Variants in SCARB1 observed in about 807,000 individuals in gnomAD.
The protein encoded by SCARB1 is scavenger receptor class B member 1.
In SCARB1, 30 loss-of-function variants were observed where a neutral mutation model predicts 57.2. That is an observed-to-expected ratio of 0.52 (90% CI 0.39 to 0.71). The LOEUF (loss-of-function observed/expected upper bound fraction) is 0.71. Ranked by LOEUF, SCARB1 falls within the 30% of genes least tolerant of loss-of-function variation. SCARB1 has a pLI of 0.00. For missense variants in SCARB1, 543 were observed against 671.2 expected (o/e 0.81, Z 2.11); for synonymous variants, 249 against 268.3 (o/e 0.93, Z 0.70).
rs185851225 is a variant in SCARB1, at chr12:124,812,534, G to A, written c.631-569C>T. Among the ~76,000 whole-genome samples the A allele has an allele frequency of 3.3e-4, 51 of 152,318 alleles. No homozygotes were observed. Among genetic ancestry groups the A allele is most frequent in the East Asian group, 1.3e-3 (7 of 5,190 alleles). On this transcript the variant is annotated intron_variant, in intron 4 of 12. Transcript: ENST00000261693. This position sits in a 1 kb window ranked among gnomAD's most constrained non-coding sequence, Gnocchi z 4.3. Reference sequence around the variant, plus strand: ...GGTTGTTCTAAGCCATGGAGATTCCGGGGCTGCTTGTCACAGCAGCAAAAC... The same window carrying A: ...GGTTGTTCTAAGCCATGGAGATTCCAGGGCTGCTTGTCACAGCAGCAAAAC...
rs2135508372 is a variant in SCARB1, at chr12:124,778,389, C to T, written c.*198G>A. 3.2e-6 allele frequency: 4 copies of T among 1,231,658 alleles called. No homozygotes were observed. The highest frequency in any genetic ancestry group is 4.1e-6 in the Non-Finnish European group (4 of 980,360). 76.3% of individuals were successfully genotyped at this position (1,231,658 alleles called of 1,614,324 possible). A position where few individuals can be genotyped will look rare whatever the true frequency, so the allele number is the denominator to read the frequency against. On this transcript the variant is annotated 3_prime_UTR_variant, in exon 13 of 13. Transcript: ENST00000261693. ...CAGCAGCTCCATCCCTGAGTGTCTG[C>T]ACAAGCCTGCACGCATGTGTGTATG... is the stretch of plus-strand genomic sequence containing the variant.
In SCARB1 at chr12:124,812,903, G is replaced by T. The variant is rs1950575892; in HGVS notation, c.631-938C>A. On this transcript the variant is annotated intron_variant, in intron 4 of 12. Transcript: ENST00000261693. The surrounding 1 kb of genome is among the most constrained non-coding windows in gnomAD (Gnocchi z 4.3). ...TTAAAGGGACTCATGTGCAAAAACG[G>T]CCAGGTACAGTGCACCGGACACAGT... Among the ~76,000 whole-genome samples the T allele has an allele frequency of 6.6e-6, 1 of 152,126 alleles. No individual in the cohort carries two copies. The highest frequency in any genetic ancestry group is 1.5e-5 in the Non-Finnish European group (1 of 68,034).
intron 7 of SCARB1, among the ~76,000 whole-genome samples, chr12:124,804,124 G>A (rs1464026500): frequency 6.6e-6 from 1 of 152,150 alleles, no homozygotes; most frequent in East Asian, 1.9e-4. Context: ...GGAGCCATCT[G>A]AGCATGTGAC....
chr12:124,837,074 C>T (rs10846755), intron 1 of SCARB1, among the ~76,000 whole-genome samples: 42,600 of 152,000 alleles, frequency 0.28, 6,476 homozygotes, highest in East Asian at 0.42. Flanking sequence ...TCAAGCACAA[C>T]CTCTCCTTCC....
At chr12:124,859,018 G>A (rs1470531543) in intron 1 of SCARB1, among the ~76,000 whole-genome samples, 1 of 152,150 alleles carries the variant, frequency 6.6e-6, no homozygotes, top group Non-Finnish European at 1.5e-5. Context: ...AGGACTATAG[G>A]TGCATGCCAC....
chr12:124,809,196 G>A (rs1950435322), intron 6 of SCARB1, among the ~76,000 whole-genome samples: 1 of 152,258 alleles, frequency 6.6e-6, no homozygotes, highest in African/African-American at 2.4e-5. Flanking sequence ...CGAGAAGAGG[G>A]GGTGGGGGGC....
intron 1 of SCARB1, among the ~76,000 whole-genome samples, chr12:124,861,707 C>A (rs761491336): frequency 1.3e-5 from 2 of 152,202 alleles, no homozygotes; most frequent in African/African-American, 2.4e-5. Flanking sequence ...TCACACCACT[C>A]GGCCCCAAAC....
chr12:124,857,433 C>T (rs1489363950), intron 1 of SCARB1, among the ~76,000 whole-genome samples: 1 of 152,198 alleles, frequency 6.6e-6, no homozygotes, highest in Non-Finnish European at 1.5e-5. Context: ...GGTGACATCC[C>T]TGGCTGGCCC....
chr12:124,811,987 G>T (rs762513823), intron 4 of SCARB1, 22 bp from the exon 5 acceptor site: 8 of 1,579,288 alleles, frequency 5.1e-6, no homozygotes, highest in Non-Finnish European at 6.9e-6. Context: ...GCAGGGAACA[G>T]CATCGTAAGG....
intron 1 of SCARB1, among the ~76,000 whole-genome samples, chr12:124,833,749 A>G (rs1951515683): frequency 6.6e-6 from 1 of 152,178 alleles, no homozygotes; most frequent in South Asian, 2.1e-4. Flanking sequence ...GCTTCGCTAG[A>G]AACAAGGTGG....
chr12:124,834,302 G>C (rs1307104522), intron 1 of SCARB1, among the ~76,000 whole-genome samples: 1 of 152,222 alleles, frequency 6.6e-6, no homozygotes, highest in Non-Finnish European at 1.5e-5. Flanking sequence ...GAAACTTCCA[G>C]GCTGGGCCGG....
intron 11 of SCARB1, chr12:124,783,929 C>CT (rs1441302330): frequency 6.6e-6 from 1 of 152,252 alleles, no homozygotes; most frequent in African/African-American, 2.4e-5. Flanking sequence ...TCGTAGCATT[C>CT]TTACTGGATT....
rs1952011833 is a variant in SCARB1, at chr12:124,843,725, GC to G, written c.126+19869del. Among the ~76,000 whole-genome samples, 5 of 152,260 alleles carry G rather than the reference GC, an allele frequency of 3.3e-5. No homozygotes were observed. In the South Asian group the frequency reaches 1.0e-3, roughly 32 times the overall value. ...GAAGGGCCCTACATCCAAGCTGGAG[GC>G]CCTCCAAGCCCAAGCTGGTGGGGTC... On this transcript the variant is annotated intron_variant, in intron 1 of 12. Coordinates refer to ENST00000261693, the MANE Select transcript of SCARB1 (RefSeq NM_005505.5).
rs1950571851 is a variant in SCARB1, at chr12:124,812,755, A to G, written c.631-790T>C. Among the ~76,000 whole-genome samples, 1 of 152,138 alleles carries G rather than the reference A, an allele frequency of 6.6e-6. No homozygotes were observed. The highest frequency in any genetic ancestry group is 1.5e-5 in the Non-Finnish European group (1 of 68,028). ...AGCTCCAAGGTTGCCCGGCTGAGTG[A>G]CTGCACCCATCACAGACCTCCAGAG... On this transcript the variant is annotated intron_variant, in intron 4 of 12. Transcript: ENST00000261693. The surrounding 1 kb of genome is among the most constrained non-coding windows in gnomAD (Gnocchi z 4.3).
chr12:124,825,691 G>C (rs1204167318), intron 1 of SCARB1, among the ~76,000 whole-genome samples: 1 of 152,120 alleles, frequency 6.6e-6, no homozygotes, highest in Non-Finnish European at 1.5e-5. Context: ...AGAGAGCCCA[G>C]CCAGGTTCTC....
At chr12:124,835,609 T>G (rs7954519) in intron 1 of SCARB1, among the ~76,000 whole-genome samples, 29,833 of 151,724 alleles carry the variant, frequency 0.2, 3,034 homozygotes, top group African/African-American at 0.23. Context: ...TCACTCAAAA[T>G]TTCTTATACA....
At chr12:124,836,446 T>C (rs1951651962) in intron 1 of SCARB1, among the ~76,000 whole-genome samples, 1 of 152,232 alleles carries the variant, frequency 6.6e-6, no homozygotes, top group Non-Finnish European at 1.5e-5. Flanking sequence ...GCAAGTTTTA[T>C]GTTGTTTCCA....
At chr12:124,783,096 G>A in intron 11 of SCARB1, 1 of 419,066 alleles carries the variant, frequency 2.4e-6, no homozygotes, top group South Asian at 2.7e-5. Context: ...TGGGGAGATG[G>A]GCCATGGAGA....
chr12:124,802,251 C>T (rs1408941136), intron 7 of SCARB1, among the ~76,000 whole-genome samples: 1 of 152,026 alleles, frequency 6.6e-6, no homozygotes, highest in East Asian at 1.9e-4. Context: ...AACTGGGAGC[C>T]CTGCTCTTTT....
Sources: gnomAD v4.1 joint callset for allele counts (sites outside exome capture counted in the v4.1 genomes callset) on GRCh38, gnomAD v4.1.1 for gene constraint, Gnocchi (gnomAD v3.1) non-coding constraint, MANE v1.5 for transcripts, NCBI Gene and HGNC (gene_info 2026-07-23, HGNC 2026-07-21) for gene names.